The following SLC35F3 variants were observed in gnomAD, a reference collection of about 807,000 sequenced individuals.
The protein encoded by SLC35F3 is putative thiamine transporter SLC35F3.
SLC35F3 carries 25 observed loss-of-function variants against 49.9 expected under a neutral mutation model. That is an observed-to-expected ratio of 0.50 (90% CI 0.37 to 0.70). The LOEUF (loss-of-function observed/expected upper bound fraction) is 0.70, where lower values mean the gene tolerates loss of function less well. Among genes scored for constraint, SLC35F3 ranks in the 30% least tolerant of loss-of-function variants. The pLI is 0.00. For synonymous variants in SLC35F3, 275 were observed against 265.4 expected, an observed-to-expected ratio of 1.04 and a Z score of -0.35; for missense variants, 525 against 639.8, an observed-to-expected ratio of 0.82 and a Z score of 1.94.
chr1:233,907,776 A>C (rs558697850), intron 2 of SLC35F3, among the ~76,000 whole-genome samples: 1 of 152,078 alleles, frequency 6.6e-6, no homozygotes, highest in African/African-American at 2.4e-5. Context: ...TGGAGTGTAG[A>C]GTGCAGTGGC....
At chr1:234,306,582 A>C (rs1349065032) in intron 3 of SLC35F3, 1 of 152,368 alleles carries the variant, frequency 6.6e-6, no homozygotes, top group Non-Finnish European at 1.5e-5. Context: ...TCTTGGTCTC[A>C]TTAGAACCAA....
At chr1:234,071,960 G>T (rs1377941568) in intron 2 of SLC35F3, among the ~76,000 whole-genome samples, 1 of 152,212 alleles carries the variant, frequency 6.6e-6, no homozygotes, top group African/African-American at 2.4e-5. Context: ...GACAGAAAAA[G>T]GAATCAGGGG....
intron 2 of SLC35F3, among the ~76,000 whole-genome samples, chr1:233,972,312 G>A (rs754700291): frequency 6.6e-6 from 1 of 152,286 alleles, no homozygotes; most frequent in South Asian, 2.1e-4. Flanking sequence ...ATGTCAAGAA[G>A]CATCAAGCAT....
chr1:234,020,207 T>C (rs1481732716), intron 2 of SLC35F3, among the ~76,000 whole-genome samples: 1 of 152,250 alleles, frequency 6.6e-6, no homozygotes, highest in Admixed American at 6.5e-5. Context: ...TTTCATTGTA[T>C]TGTAGTTTTA....
At chr1:233,907,184 C>T (rs931998280) in intron 2 of SLC35F3, among the ~76,000 whole-genome samples, 4 of 152,174 alleles carry the variant, frequency 2.6e-5, no homozygotes, top group Admixed American at 2.0e-4. Flanking sequence ...CCATTTTCTG[C>T]TTCCTTAATA....
rs145680910 is a variant in SLC35F3, at chr1:234,135,941, C to CTT, written c.284-95473_284-95472dup. On this transcript the variant is annotated intron_variant, in intron 2 of 7. Coordinates refer to ENST00000366618, the MANE Select transcript of SLC35F3 (RefSeq NM_173508.4). Reference sequence around the variant, plus strand: ...GTCCCAGTCCTCCGCTGTGTTAACTCTTTTCTGCACCGTGCCATATACCAA... The same window carrying CTT: ...GTCCCAGTCCTCCGCTGTGTTAACTCTTTTTTCTGCACCGTGCCATATACCAA... Among the ~76,000 whole-genome samples, 1,072 of 152,354 alleles carry CTT rather than the reference C, an allele frequency of 7.0e-3. 19 individuals carry two copies. The highest frequency in any genetic ancestry group is 0.024 in the African/African-American group (1,016 of 41,572).
At chr1:233,910,926 C>T (rs1409387117) in intron 2 of SLC35F3, among the ~76,000 whole-genome samples, 1 of 152,130 alleles carries the variant, frequency 6.6e-6, no homozygotes, top group Non-Finnish European at 1.5e-5. Flanking sequence ...CTAGCCCACT[C>T]CAGCCCGCTA....
At chr1:234,187,561 C>T (rs904397925) in intron 2 of SLC35F3, among the ~76,000 whole-genome samples, 1 of 152,144 alleles carries the variant, frequency 6.6e-6, no homozygotes, top group Non-Finnish European at 1.5e-5. Flanking sequence ...CCCGCAGGAC[C>T]CAGGAGACAG....
chr1:234,055,011 G>A (rs1363725836), intron 2 of SLC35F3, among the ~76,000 whole-genome samples: 1 of 152,108 alleles, frequency 6.6e-6, no homozygotes, highest in Admixed American at 6.5e-5. Flanking sequence ...TGGAAGCTTC[G>A]TCCCAGAGGG....
chr1:234,033,363 A>G (rs945804379), intron 2 of SLC35F3, among the ~76,000 whole-genome samples: 1 of 152,132 alleles, frequency 6.6e-6, no homozygotes, highest in Admixed American at 6.5e-5. Flanking sequence ...AGTTTAATTA[A>G]GTCCCATCTA....
intron 2 of SLC35F3, among the ~76,000 whole-genome samples, chr1:234,041,405 A>G (rs750304852): frequency 3.9e-5 from 6 of 152,110 alleles, no homozygotes; most frequent in Non-Finnish European, 8.8e-5. Context: ...CAGACCTGAA[A>G]TTGATATACA....
intron 2 of SLC35F3, among the ~76,000 whole-genome samples, chr1:234,201,306 A>G (rs1666896986): frequency 6.6e-6 from 1 of 152,214 alleles, no homozygotes; most frequent in South Asian, 2.1e-4. Context: ...TTTGCAGTGA[A>G]AGTGATTTTT....
At chr1:234,090,366 A>G (rs1272060993) in intron 2 of SLC35F3, among the ~76,000 whole-genome samples, 2 of 152,278 alleles carry the variant, frequency 1.3e-5, no homozygotes, top group Admixed American at 1.3e-4. Context: ...GTTACGGACC[A>G]GATTTGTTCT....
rs185397966 is a variant in SLC35F3 at position 233,960,414 on chromosome 1, C to T, written c.283+54656C>T. Among the ~76,000 whole-genome samples, 420 of 152,298 alleles carry T rather than the reference C, an allele frequency of 2.8e-3. 2 individuals are homozygous for T. The highest frequency in any genetic ancestry group is 9.6e-3 in the African/African-American group (397 of 41,562). The stretch of plus-strand genomic sequence containing the variant: ...GCCACTTTTCCCACCAAGCAGGTAA[C>T]CCCGTGTCAGTTTAAAACACAGAAT... On this transcript the variant is annotated intron_variant, in intron 2 of 7. Coordinates refer to ENST00000366618, the MANE Select transcript of SLC35F3 (RefSeq NM_173508.4).
At chr1:234,317,832 A>C (rs1435489967) in intron 5 of SLC35F3, among the ~76,000 whole-genome samples, 1 of 152,238 alleles carries the variant, frequency 6.6e-6, no homozygotes, top group Non-Finnish European at 1.5e-5. Context: ...ATAGCTGTGG[A>C]CTAATGAGAA....
chr1:234,035,969 G>A (rs1331145574), intron 2 of SLC35F3, among the ~76,000 whole-genome samples: 2 of 152,216 alleles, frequency 1.3e-5, no homozygotes, highest in East Asian at 1.9e-4. Flanking sequence ...TTGGCTGTCC[G>A]CTCATACTTA....
intron 2 of SLC35F3, among the ~76,000 whole-genome samples, chr1:234,015,955 C>T (rs1282128542): frequency 6.6e-6 from 1 of 152,016 alleles, no homozygotes; most frequent in Non-Finnish European, 1.5e-5. Flanking sequence ...AACTCAATAG[C>T]AAGAAAACAA....
chr1:234,280,253 A>G (rs1668301631), intron 3 of SLC35F3, among the ~76,000 whole-genome samples: 1 of 152,194 alleles, frequency 6.6e-6, no homozygotes, highest in South Asian at 2.1e-4. Context: ...GGCCTACCAA[A>G]TCATTTTAGG....
At chr1:234,136,181 T>C (rs1665808176) in intron 2 of SLC35F3, among the ~76,000 whole-genome samples, 1 of 151,862 alleles carries the variant, frequency 6.6e-6, no homozygotes, top group Non-Finnish European at 1.5e-5. Flanking sequence ...TCTTCCTTCT[T>C]CCCTCCCTTC....
Sources: gnomAD v4.1 joint callset for allele counts (sites outside exome capture counted in the v4.1 genomes callset) on GRCh38, gnomAD v4.1.1 for gene constraint, MANE v1.5 for transcripts, NCBI Gene and HGNC (gene_info 2026-07-23, HGNC 2026-07-21) for gene names.